Variants in SNX7 observed in about 807,000 individuals in gnomAD.
SNX7 encodes the protein sorting nexin 7.
SNX7 carries 35 observed loss-of-function variants against 48.4 expected under a neutral mutation model. That is an observed-to-expected ratio of 0.72 (90% CI 0.55 to 0.96). The LOEUF (loss-of-function observed/expected upper bound fraction) is 0.96. Ranked by LOEUF, SNX7 falls within the 40% of genes least tolerant of loss-of-function variation. The pLI, the probability that SNX7 is intolerant of heterozygous loss-of-function variation, is 0.00. For missense variants in SNX7, 553 were observed against 548.9 expected, an observed-to-expected ratio of 1.01 and a Z score of -0.07; for synonymous variants, 190 against 190.2, an observed-to-expected ratio of 1.00 and a Z score of 0.01.
chr1:98,740,208 T>C (rs976895210), intron 8 of SNX7, among the ~76,000 whole-genome samples: 1 of 152,188 alleles, frequency 6.6e-6, no homozygotes, highest in Non-Finnish European at 1.5e-5. Context: ...ATCTCAGATT[T>C]TGAATGATAT....
intron 7 of SNX7, among the ~76,000 whole-genome samples, chr1:98,708,466 A>G (rs1652129592): frequency 6.6e-6 from 1 of 152,192 alleles, no homozygotes; most frequent in Non-Finnish European, 1.5e-5. Context: ...CCAGTTACAG[A>G]TACCTGAAAA....
chr1:98,740,323 T>C (rs569218759), intron 8 of SNX7, among the ~76,000 whole-genome samples: 185 of 152,286 alleles, frequency 1.2e-3, no homozygotes, highest in Non-Finnish European at 2.2e-3. Context: ...ATAGTAGAAC[T>C]TGTCTACGCT....
At chr1:98,730,427 G>T (rs1653450473) in intron 7 of SNX7, among the ~76,000 whole-genome samples, 1 of 151,886 alleles carries the variant, frequency 6.6e-6, no homozygotes, top group Admixed American at 6.6e-5. Context: ...GGCAAGAGAA[G>T]GAAATAAAGA....
rs1214095313 is a variant in SNX7 at position 98,760,149 on chromosome 1, GT to G, written c.*21del. 5 of 1,568,446 alleles carry G rather than the reference GT, an allele frequency of 3.2e-6. No homozygotes were observed. Among genetic ancestry groups the G allele is most frequent in the Non-Finnish European group, 4.4e-6 (5 of 1,139,332 alleles). On this transcript the variant is annotated 3_prime_UTR_variant, in exon 9 of 9. Transcript: ENST00000306121. ...AACCTTAATCCCATTGAGGACTTCT[GT>G]TTGATCTTTGGGAGACAGCATTTAT...
intron 7 of SNX7, among the ~76,000 whole-genome samples, chr1:98,715,072 A>G (rs976657742): frequency 1.3e-4 from 20 of 152,160 alleles, no homozygotes; most frequent in Non-Finnish European, 2.8e-4. Context: ...ACAACCATCA[A>G]TATCAATAAG....
chr1:98,689,589 ATT>A (rs1650998663), intron 2 of SNX7, among the ~76,000 whole-genome samples: 1 of 152,114 alleles, frequency 6.6e-6, no homozygotes, highest in African/African-American at 2.4e-5. Flanking sequence ...GCTCAATCTT[ATT>A]TTAACTGCTG....
chr1:98,701,659 C>A (rs201322328), intron 6 of SNX7, among the ~76,000 whole-genome samples, 158 bp from the exon 7 acceptor site: 10 of 143,676 alleles, frequency 7.0e-5, no homozygotes, highest in African/African-American at 1.3e-4. Flanking sequence ...TAGAGAGTAA[C>A]AAAAAAAAAA....
chr1:98,673,443 C>T (rs1240245316), intron 1 of SNX7, among the ~76,000 whole-genome samples: 4 of 152,154 alleles, frequency 2.6e-5, no homozygotes, highest in Admixed American at 6.5e-5. Flanking sequence ...CAACCTGCTC[C>T]ATTTTTTCCT....
intron 7 of SNX7, among the ~76,000 whole-genome samples, chr1:98,733,214 TCTC>T (rs140239996): frequency 0.26 from 40,006 of 151,880 alleles, 5,585 homozygotes; most frequent in Middle Eastern, 0.31. Context: ...CAGGCCATCA[TCTC>T]CTATCACACC....
intron 5 of SNX7, 23 bp from the exon 6 acceptor site, chr1:98,698,680 CTTA>C (rs1224510529): frequency 6.4e-7 from 1 of 1,574,670 alleles, no homozygotes; most frequent in South Asian, 1.1e-5. Context: ...TATTGAAGAG[CTTA>C]TTAAGTCTTT....
intron 7 of SNX7, among the ~76,000 whole-genome samples, chr1:98,711,810 ATGT>A (rs1386850741): frequency 2.6e-5 from 4 of 152,140 alleles, no homozygotes; most frequent in Admixed American, 2.6e-4. Flanking sequence ...GTAGCATGCA[ATGT>A]TGTTTGATAG....
intron 1 of SNX7, among the ~76,000 whole-genome samples, chr1:98,674,947 A>AT (rs1421446431): frequency 6.6e-6 from 1 of 152,174 alleles, no homozygotes; most frequent in Non-Finnish European, 1.5e-5. Context: ...AGTAAACGTG[A>AT]TTTAAGAAGT....
chr1:98,738,142 G>A (rs2101034492), intron 7 of SNX7, 95 bp from the exon 8 acceptor site: 2 of 1,261,926 alleles, frequency 1.6e-6, no homozygotes, highest in South Asian at 2.9e-5. Context: ...GTTATATTTA[G>A]GCTGTTTTGG....
At chr1:98,731,588 CATT>C (rs145378497) in intron 7 of SNX7, among the ~76,000 whole-genome samples, 278 of 152,200 alleles carry the variant, frequency 1.8e-3, no homozygotes, top group African/African-American at 6.5e-3. Flanking sequence ...GCTTTCTCAT[CATT>C]GTGTGACTAT....
rs565266347 is a variant in SNX7, at chr1:98,752,337, T to C, written c.1279-7717T>C. 2.6e-5 allele frequency among the ~76,000 whole-genome samples: 4 copies of C among 152,206 alleles called. No individual in the cohort carries two copies. In the South Asian group the frequency reaches 8.3e-4, roughly 32 times the overall value. On this transcript the variant is annotated intron_variant, in intron 8 of 8. Coordinates refer to ENST00000306121, the MANE Select transcript of SNX7 (RefSeq NM_015976.5). ...TTTATAAAGATTTGTGTACATTAAT[T>C]TGATATATGTGCAGGATATCAGGTA...
At chr1:98,672,940 A>AAAAG (rs1251151130) in intron 1 of SNX7, among the ~76,000 whole-genome samples, 1 of 150,814 alleles carries the variant, frequency 6.6e-6, no homozygotes, top group Non-Finnish European at 1.5e-5. Flanking sequence ...CAAAAAAAAA[A>AAAAG]AAAAAAAAAA....
intron 8 of SNX7, among the ~76,000 whole-genome samples, chr1:98,753,617 A>C (rs991486323): frequency 2.0e-5 from 3 of 152,130 alleles, no homozygotes; most frequent in African/African-American, 7.2e-5. Flanking sequence ...GTTATTAAAA[A>C]TATATCTTCT....
At chr1:98,702,369 T>C (rs1221432923) in intron 7 of SNX7, among the ~76,000 whole-genome samples, 2 of 152,148 alleles carry the variant, frequency 1.3e-5, no homozygotes, top group Non-Finnish European at 2.9e-5. Flanking sequence ...CCTTAAGATA[T>C]TTTATTATGG....
intron 1 of SNX7, among the ~76,000 whole-genome samples, chr1:98,664,544 A>G (rs928281911): frequency 1.3e-5 from 2 of 152,110 alleles, no homozygotes; most frequent in Non-Finnish European, 2.9e-5. Flanking sequence ...GAAAAACAAA[A>G]CAACTTCTTA....
Sources: allele counts gnomAD v4.1 joint callset (sites outside exome capture counted in the v4.1 genomes callset), GRCh38; gene constraint gnomAD v4.1.1; transcripts MANE v1.5; gene names NCBI Gene and HGNC (gene_info 2026-07-23, HGNC 2026-07-21).